ESYT2: variants seen among roughly 807,000 people sequenced by gnomAD.
The protein encoded by ESYT2 is extended synaptotagmin 2.
ESYT2 carries 54 observed loss-of-function variants against 107.2 expected under a neutral mutation model. The ratio of observed to expected loss-of-function variants is 0.50; its 90% CI spans 0.40 to 0.63. The LOEUF (loss-of-function observed/expected upper bound fraction) is 0.63, where lower values mean the gene tolerates loss of function less well. ESYT2 is among the 30% of genes least tolerant of loss of function. The pLI is 0.00. For missense variants in ESYT2, 1,020 were observed against 1,094.5 expected (o/e 0.93, Z 0.96); for synonymous variants, 491 against 434.1 (o/e 1.13, Z -1.63).
At chr7:158,737,674 A>G (rs187727271) in intron 19 of ESYT2, among the ~76,000 whole-genome samples, 2 of 152,322 alleles carry the variant, frequency 1.3e-5, no homozygotes, top group Admixed American at 6.5e-5. Context: ...CCTCTACAAC[A>G]GTATCCCCCA....
At chr7:158,825,917 G>A (rs779363530) in intron 1 of ESYT2, among the ~76,000 whole-genome samples, 1 of 151,868 alleles carries the variant, frequency 6.6e-6, no homozygotes, top group African/African-American at 2.4e-5. Flanking sequence ...AGGCATGGTG[G>A]CTCACACCTG....
At chr7:158,810,507 C>G (rs971426345) in intron 1 of ESYT2, among the ~76,000 whole-genome samples, 5 of 152,108 alleles carry the variant, frequency 3.3e-5, no homozygotes, top group African/African-American at 1.2e-4. Flanking sequence ...CACAGTGAAG[C>G]CCCATCTCTA....
chr7:158,755,016 C>G (rs1395992072), intron 13 of ESYT2, among the ~76,000 whole-genome samples: 1 of 152,132 alleles, frequency 6.6e-6, no homozygotes, highest in Non-Finnish European at 1.5e-5. Flanking sequence ...TTGTTCAAGC[C>G]TGAAATTAAA....
At chr7:158,746,997 A>G (rs1837424204) in intron 16 of ESYT2, among the ~76,000 whole-genome samples, 1 of 151,716 alleles carries the variant, frequency 6.6e-6, no homozygotes, top group Non-Finnish European at 1.5e-5. Flanking sequence ...GGCTGCAGTG[A>G]TCTGTGATTA....
chr7:158,817,051 A>T lies in ESYT2; in HGVS notation c.330+12038T>A, dbSNP rs533801241. 2.0e-5 allele frequency among the ~76,000 whole-genome samples: 3 copies of T among 152,348 alleles called. No homozygotes were observed. In the East Asian group the frequency reaches 5.8e-4, roughly 29 times the overall value. On this transcript the variant is annotated intron_variant, in intron 1 of 22. Coordinates refer to ENST00000275418, the MANE Select transcript of ESYT2 (RefSeq NM_001367773.1). ...AATATCAACACCAGCTTTATATAACATTTTACAAATTGGGTACAAAGTATA... is the reference window on the plus strand; with the variant it reads ...AATATCAACACCAGCTTTATATAACTTTTTACAAATTGGGTACAAAGTATA...
intron 11 of ESYT2, among the ~76,000 whole-genome samples, chr7:158,760,365 C>T (rs1341399491): frequency 1.3e-5 from 2 of 152,238 alleles, no homozygotes; most frequent in East Asian, 3.8e-4. Flanking sequence ...TGTGAGCGAC[C>T]ATTCTAAGTG....
chr7:158,820,190 A>G (rs1482601232), intron 1 of ESYT2, among the ~76,000 whole-genome samples: 1 of 152,254 alleles, frequency 6.6e-6, no homozygotes, highest in East Asian at 1.9e-4. Flanking sequence ...AAAAGTGAAC[A>G]TGTATTATTT....
chr7:158,824,916 C>CTCA (rs1001566548), intron 1 of ESYT2, among the ~76,000 whole-genome samples: 4 of 152,242 alleles, frequency 2.6e-5, no homozygotes, highest in African/African-American at 9.7e-5. Flanking sequence ...ACTTGGGAGA[C>CTCA]TCACGTAGGT....
rs768485017 is a variant in ESYT2, at chr7:158,788,049, A to G, written c.702T>C (p.Asp234=). The change falls in exon 6 of 23, where the codon GAT becomes GAC. Residue 234 remains aspartate, a synonymous_variant. Coordinates refer to ENST00000275418, the MANE Select transcript of ESYT2 (RefSeq NM_001367773.1). ...MRVILEPLIG[D]MPLVGALSIF... ...TAGACAAAGCTCCAACTAAGGGCATATCTCCAATCAACGGTTCCAGGATCA... is the reference window on the plus strand; with the variant it reads ...TAGACAAAGCTCCAACTAAGGGCATGTCTCCAATCAACGGTTCCAGGATCA... The G allele has an allele frequency of 1.2e-6, 2 of 1,614,176 alleles. No homozygotes were observed. Among genetic ancestry groups the G allele is most frequent in the South Asian group, 2.2e-5 (2 of 91,088 alleles).
intron 6 of ESYT2, among the ~76,000 whole-genome samples, chr7:158,781,888 C>T (rs375535524): frequency 6.4e-4 from 73 of 114,684 alleles, no homozygotes; most frequent in African/African-American, 2.2e-3. Context: ...CAAGTAAGAA[C>T]GAGAACAAGT....
At position 158,734,036 on chromosome 7, in the gene ESYT2, T is replaced by C. The variant is rs1336388199; in HGVS notation, c.*171A>G. On this transcript the variant is annotated 3_prime_UTR_variant, in exon 23 of 23. Transcript: ENST00000275418. ...AGGAAATCCAACACAGAAAATTCAATGATAATATTGGCCAAATTTGCCTGA... is the reference window on the plus strand; with the variant it reads ...AGGAAATCCAACACAGAAAATTCAACGATAATATTGGCCAAATTTGCCTGA... The C allele has an allele frequency of 2.7e-6, 2 of 749,208 alleles. No homozygotes were observed. Among genetic ancestry groups the C allele is most frequent in the African/African-American group, 1.8e-5 (1 of 55,870 alleles). The allele number at this position is 749,208 out of a possible 1,614,324, so 46.4% of individuals were successfully genotyped here. A position where few individuals can be genotyped will look rare whatever the true frequency, so the allele number is the denominator to read the frequency against.
At chr7:158,785,513 A>G (rs544504990) in intron 6 of ESYT2, among the ~76,000 whole-genome samples, 6 of 152,336 alleles carry the variant, frequency 3.9e-5, no homozygotes, top group Non-Finnish European at 8.8e-5. Flanking sequence ...TGTAGGAGAA[A>G]TATTTAATTT....
chr7:158,767,052 G>A (rs917683799), intron 8 of ESYT2, among the ~76,000 whole-genome samples: 4 of 152,162 alleles, frequency 2.6e-5, no homozygotes, highest in African/African-American at 9.7e-5. Context: ...TTTTACAGAT[G>A]ACAAAACTGT....
At chr7:158,826,514 T>C (rs1322400711) in intron 1 of ESYT2, among the ~76,000 whole-genome samples, 1 of 151,816 alleles carries the variant, frequency 6.6e-6, no homozygotes, top group African/African-American at 2.4e-5. Context: ...ATTACTTTTG[T>C]ATTTTTTTTT....
chr7:158,806,944 T>C (rs1025116460), intron 1 of ESYT2, among the ~76,000 whole-genome samples: 1 of 152,154 alleles, frequency 6.6e-6, no homozygotes, highest in Non-Finnish European at 1.5e-5. Context: ...AGCACTGAAT[T>C]AATTGCATAT....
At chr7:158,828,383 G>A (rs1287704776) in intron 1 of ESYT2, among the ~76,000 whole-genome samples, 1 of 152,268 alleles carries the variant, frequency 6.6e-6, no homozygotes, top group Non-Finnish European at 1.5e-5. Flanking sequence ...TCTGAGAGCA[G>A]AACCGGCCGC....
At chr7:158,797,879 T>C in intron 3 of ESYT2, 63 bp downstream of exon 3, 1 of 1,540,344 alleles carries the variant, frequency 6.5e-7, no homozygotes. Flanking sequence ...AGAAAATGTG[T>C]TGTTTTGTGT....
chr7:158,735,354 T>A (rs997903359), intron 21 of ESYT2, 149 bp downstream of exon 21: 1 of 588,546 alleles, frequency 1.7e-6, no homozygotes, highest in African/African-American at 1.9e-5. Flanking sequence ...ATGTTTTGAC[T>A]GTCTTTATAG....
intron 19 of ESYT2, among the ~76,000 whole-genome samples, chr7:158,737,919 G>A (rs1837025718): frequency 6.6e-6 from 1 of 152,150 alleles, no homozygotes; most frequent in Non-Finnish European, 1.5e-5. Flanking sequence ...TGCAATTAAT[G>A]CAACAGTCAC....
Sources: allele counts gnomAD v4.1 joint callset (sites outside exome capture counted in the v4.1 genomes callset), GRCh38; gene constraint gnomAD v4.1.1; transcripts MANE v1.5; gene names NCBI Gene and HGNC (gene_info 2026-07-23, HGNC 2026-07-21).